Variants in HTR3A observed in about 807,000 individuals in gnomAD.
The protein encoded by HTR3A is 5-hydroxytryptamine (serotonin) receptor 3A, ionotropic.
Under a neutral mutation model 54.8 loss-of-function variants are expected in HTR3A, and 45 were observed. The observed-to-expected ratio is 0.82, with a 90% confidence interval of 0.65 to 1.05. The LOEUF (loss-of-function observed/expected upper bound fraction) is 1.05, where lower values mean the gene tolerates loss of function less well. Among genes scored for constraint, HTR3A ranks in the 50% least tolerant of loss-of-function variants. The pLI, the probability that HTR3A is intolerant of heterozygous loss-of-function variation, is 0.00. For synonymous variants in HTR3A, 297 were observed against 256.0 expected (o/e 1.16, Z -1.53); for missense variants, 657 against 614.0 (o/e 1.07, Z -0.74).
rs1003523545 is a variant in HTR3A, at chr11:113,986,008, C to G, written c.545-7C>G. On this transcript the variant is annotated splice_region_variant and splice_polypyrimidine_tract_variant and intron_variant, in intron 5 of 8. Coordinates refer to ENST00000504030, the MANE Select transcript of HTR3A (RefSeq NM_000869.6). ...TTCCAAAGCTGGCTTGCTTTATTCT[C>G]TCTCAGTCCAGGACATCAACATCTC... 1 of 1,614,102 alleles carries G rather than the reference C, an allele frequency of 6.2e-7. No homozygotes were observed.
rs1489657753 is a variant in HTR3A, at chr11:113,982,058, AG to A, written c.374+747del. Reference sequence around the variant, plus strand: ...CTGGGGGACATGTTCAGACCTCCCAAGTTACCCATCTACCTGACAGGCCACA... The same window carrying A: ...CTGGGGGACATGTTCAGACCTCCCAATTACCCATCTACCTGACAGGCCACA... On this transcript the variant is annotated intron_variant, in intron 4 of 8. Coordinates refer to ENST00000504030, the MANE Select transcript of HTR3A (RefSeq NM_000869.6). Among the ~76,000 whole-genome samples the A allele has an allele frequency of 2.6e-5, 4 of 152,134 alleles. No individual in the cohort carries two copies. The East Asian group carries it at 7.7e-4, about 29-fold the overall frequency.
chr11:113,979,410 G>T, intron 3 of HTR3A, 133 bp downstream of exon 3: 1 of 731,244 alleles, frequency 1.4e-6, no homozygotes, highest in Non-Finnish European at 2.5e-6. Flanking sequence ...CTGAGATCCA[G>T]GAGTGTGGAA....
intron 3 of HTR3A, chr11:113,980,937 G>A: frequency 2.0e-6 from 1 of 489,202 alleles, no homozygotes; most frequent in Non-Finnish European, 3.7e-6. Context: ...GGCGGAGGGG[G>A]AACTCACAGC....
chr11:113,975,478 G>A (rs554140786), intron 1 of HTR3A, 86 bp downstream of exon 1: 1 of 1,139,354 alleles, frequency 8.8e-7, no homozygotes, highest in South Asian at 1.3e-5. Flanking sequence ...GAGGGCTGTG[G>A]AGAGGAGGGT....
intron 5 of HTR3A, among the ~76,000 whole-genome samples, chr11:113,985,646 T>G (rs1950480069): frequency 6.6e-6 from 1 of 152,174 alleles, no homozygotes. Flanking sequence ...TTTTGTTCAT[T>G]GTTGCAATGG....
intron 1 of HTR3A, 92 bp downstream of exon 1, chr11:113,975,484 A>C (rs1025410831): frequency 2.5e-5 from 27 of 1,067,344 alleles, no homozygotes; most frequent in Non-Finnish European, 3.7e-5. Flanking sequence ...TGTGGAGAGG[A>C]GGGTGGGGAA....
In HTR3A at chr11:113,986,923, G is replaced by T. The variant is rs141774545; in HGVS notation, c.1015G>T (p.Val339Leu). Residue 339 changes from valine (V) to leucine (L), a missense_variant, in exon 8 of 9, where the codon GTG becomes TTG. Physicochemically the swap from Val to Leu is conservative, Grantham distance 32. Coordinates refer to ENST00000504030, the MANE Select transcript of HTR3A (RefSeq NM_000869.6). Reference sequence around the variant, plus strand: ...GCACAAGCAAGACCTGCAGCAGCCCGTGCCTGCTTGGCTGCGTCACCTGGT... The same window carrying T: ...GCACAAGCAAGACCTGCAGCAGCCCTTGCCTGCTTGGCTGCGTCACCTGGT... ...LVHKQDLQQP[V>L]PAWLRHLVLE... The T allele has an allele frequency of 6.2e-7, 1 of 1,614,174 alleles. No individual in the cohort carries two copies. The highest frequency in any genetic ancestry group is 8.5e-7 in the Non-Finnish European group (1 of 1,180,032).
chr11:113,975,377 C>T lies in HTR3A; in HGVS notation c.52C>T (p.Leu18=), dbSNP rs181500316. 4 of 1,612,682 alleles carry T rather than the reference C, an allele frequency of 2.5e-6. No individual in the cohort carries two copies. The Admixed American group carries it at 5.0e-5, about 20-fold the overall frequency. The change falls in exon 1 of 9, where the codon CTG becomes TTG. Residue 18 remains leucine (L), a synonymous_variant. Coordinates refer to ENST00000504030, the MANE Select transcript of HTR3A (RefSeq NM_000869.6). The part of the protein sequence containing the change: ...ALLALLLPTL[L]AQGEARRSRN... The stretch of plus-strand genomic sequence containing the variant: ...GCTCGCCTTGCTCCTCCCCACACTC[C>T]TGGCACAGGGAGAAGGTAAGCAGAC...
At chr11:113,979,305 C>G (rs750146054) in intron 3 of HTR3A, 28 bp downstream of exon 3, 2 of 1,582,166 alleles carry the variant, frequency 1.3e-6, no homozygotes, top group African/African-American at 2.7e-5. Flanking sequence ...TCCCTGCCCC[C>G]GTTACCCATC....
chr11:113,986,338 A>T (rs911150371), intron 6 of HTR3A, among the ~76,000 whole-genome samples, 163 bp downstream of exon 6: 3 of 152,124 alleles, frequency 2.0e-5, no homozygotes, highest in African/African-American at 2.4e-5. Context: ...AATGTCCCTT[A>T]CTTATTCTAA....
chr11:113,988,912 G>A (rs1343972878), intron 8 of HTR3A, among the ~76,000 whole-genome samples: 1 of 152,224 alleles, frequency 6.6e-6, no homozygotes, highest in Non-Finnish European at 1.5e-5. Context: ...GCAATATATA[G>A]GAAGGATACT....
Position 113,986,519 on chromosome 11 carries a change from TG to T in HTR3A, c.709del (p.Val237SerfsTer52). 6.2e-7 allele frequency: 1 copy of T among 1,612,326 alleles called. No homozygotes were observed. The highest frequency in any genetic ancestry group is 2.2e-5 in the East Asian group (1 of 44,860). On this transcript the variant is annotated frameshift_variant and splice_region_variant, in exon 7 of 9. Coordinates refer to ENST00000504030, the MANE Select transcript of HTR3A (RefSeq NM_000869.6). LOFTEE classifies it high-confidence loss of function. ...CCACAAGCTCTTCTCCGGTCCCAGG[TG>T]GTCATCCGCCGGCGGCCCCTCTTCT... is the stretch of plus-strand genomic sequence containing the variant. Reference protein sequence around the residue: ...SNYYAEMKFYVVIRRRPLFYV... With the variant: ...SNYYAEMKFYXVIRRRPLFYV...
intron 8 of HTR3A, 121 bp downstream of exon 8, chr11:113,987,167 C>T: frequency 1.9e-6 from 2 of 1,043,028 alleles, no homozygotes; most frequent in Non-Finnish European, 2.9e-6. Context: ...ATCCCATGCC[C>T]TGCCTTACTT....
rs1950533248 is a variant in HTR3A, at chr11:113,989,982, T to C, written c.*219T>C. On this transcript the variant is annotated 3_prime_UTR_variant, in exon 9 of 9. Transcript: ENST00000504030. This position sits in a 1 kb window ranked among gnomAD's most constrained non-coding sequence, Gnocchi z 4.4. ...GGTGTTCAAGGCCCTTACACCCTTG[T>C]CCCACCCCCAGCAGCTCACCATGGC... 1.4e-6 allele frequency: 1 copy of C among 691,504 alleles called. No homozygotes were observed. Among genetic ancestry groups the C allele is most frequent in the Admixed American group, 2.0e-5 (1 of 49,536 alleles). 42.8% of individuals were successfully genotyped at this position (691,504 alleles called of 1,614,324 possible). A position where few individuals can be genotyped will look rare whatever the true frequency, so the allele number is the denominator to read the frequency against.
chr11:113,988,183 C>G (rs944920078), intron 8 of HTR3A, among the ~76,000 whole-genome samples: 3 of 152,226 alleles, frequency 2.0e-5, no homozygotes, highest in African/African-American at 7.2e-5. Flanking sequence ...CTAAGGCCAT[C>G]TCATCAAGAG....
In HTR3A at chr11:113,989,509, G is replaced by C; in HGVS notation, c.1183G>C (p.Glu395Gln). Residue 395 changes from glutamate (E) to glutamine (Q), a missense_variant, in exon 9 of 9, where the codon GAG (glutamate) becomes CAG (glutamine). Coordinates refer to ENST00000504030, the MANE Select transcript of HTR3A (RefSeq NM_000869.6). This position sits in a 1 kb window ranked among gnomAD's most constrained non-coding sequence, Gnocchi z 4.4. The part of the protein sequence containing the change: ...CSHMGGPQDF[E>Q]KSPRDRCSPP... ...CCACATGGGAGGACCCCAGGACTTC[G>C]AGAAGAGCCCGAGGGACAGATGTAG... 1 of 1,614,104 alleles carries C rather than the reference G, an allele frequency of 6.2e-7. No individual in the cohort carries two copies.
Position 113,976,238 on chromosome 11 carries a change from G to GT in HTR3A, c.67+847dup, listed in dbSNP as rs562423785. On this transcript the variant is annotated intron_variant, in intron 1 of 8. Transcript: ENST00000504030. ...TCCGTGGGTTAAGCAAACGCAAGCT[G>GT]TAAGTGATGACTGTGGTCGAGGGCT... Among the ~76,000 whole-genome samples the GT allele has an allele frequency of 2.8e-3, 419 of 152,240 alleles. 3 individuals carry two copies. The highest frequency in any genetic ancestry group is 8.1e-3 in the African/African-American group (335 of 41,548).
Position 113,981,239 on chromosome 11 carries a change from G to A in HTR3A, c.301G>A (p.Asp101Asn). ...TGAGTTTCTCCAGTGGAACCCTGAGGACTTTGACAACATCACCAAGTTGTC... is the reference window on the plus strand; with the variant it reads ...TGAGTTTCTCCAGTGGAACCCTGAGAACTTTGACAACATCACCAAGTTGTC... ...TDEFLQWNPE[D>N]FDNITKLSIP... Residue 101 changes from aspartate (D) to asparagine (N), a missense_variant, in exon 4 of 9, where the codon GAC (aspartate) becomes AAC (asparagine). Coordinates refer to ENST00000504030, the MANE Select transcript of HTR3A (RefSeq NM_000869.6). 6.2e-7 allele frequency: 1 copy of A among 1,613,876 alleles called. No individual in the cohort carries two copies. Among genetic ancestry groups the A allele is most frequent in the South Asian group, 1.1e-5 (1 of 91,072 alleles).
intron 6 of HTR3A, 40 bp downstream of exon 6, chr11:113,986,215 T>C: frequency 6.2e-7 from 1 of 1,612,218 alleles, no homozygotes; most frequent in East Asian, 2.2e-5. Context: ...TGAATAAAGC[T>C]TCACATCCAG....
Sources: allele counts gnomAD v4.1 joint callset (sites outside exome capture counted in the v4.1 genomes callset), GRCh38; gene constraint gnomAD v4.1.1; non-coding constraint Gnocchi (gnomAD v3.1); transcripts MANE v1.5; gene names NCBI Gene and HGNC (gene_info 2026-07-23, HGNC 2026-07-21).